Variants in MAPK8IP3 observed in about 807,000 individuals in gnomAD.
MAPK8IP3 encodes the protein C-Jun-amino-terminal kinase-interacting protein 3.
MAPK8IP3 carries 49 observed loss-of-function variants against 157.8 expected under a neutral mutation model. The observed-to-expected ratio is 0.31, with a 90% CI of 0.25 to 0.39. The LOEUF is 0.39. Ranked by LOEUF, MAPK8IP3 falls within the 10% of genes least tolerant of loss-of-function variation. The pLI is 1.00. For missense variants in MAPK8IP3, 1,478 were observed against 1,889.4 expected (o/e 0.78, Z 4.04); for synonymous variants, 897 against 777.7 (o/e 1.15, Z -2.55).
In MAPK8IP3 at chr16:1,769,659, C is replaced by T. The variant is rs1413696127; in HGVS notation, c.*835C>T. The T allele has an allele frequency of 6.6e-6, 1 of 152,586 alleles. No individual in the cohort carries two copies. The highest frequency in any genetic ancestry group is 1.5e-5 in the Non-Finnish European group (1 of 68,212). 9.5% of individuals were successfully genotyped at this position (152,586 alleles called of 1,614,324 possible). On this transcript the variant is annotated 3_prime_UTR_variant, in exon 32 of 32. Transcript: ENST00000610761. ...CTCAGGCTGCCAGGGCAGGCCCAGG[C>T]CTCAGGAAGAAGGGGAGGCCCCTGG...
In MAPK8IP3 at chr16:1,768,522, C is replaced by T. The variant is rs771487823; in HGVS notation, c.3788C>T (p.Ala1263Val). 5.1e-6 allele frequency: 8 copies of T among 1,557,898 alleles called. No individual in the cohort carries two copies. The highest frequency in any genetic ancestry group is 5.2e-6 in the Non-Finnish European group (6 of 1,153,270). Reference protein sequence around the residue: ...TLNGSVLDSPAEGPGPAAPAS... With the variant: ...TLNGSVLDSPVEGPGPAAPAS... ...AATGGGAGTGTGCTGGACAGCCCAGCCGAGGGCCCTGGGCCAGCTGCCCCT... is the reference window on the plus strand; with the variant it reads ...AATGGGAGTGTGCTGGACAGCCCAGTCGAGGGCCCTGGGCCAGCTGCCCCT... Residue 1263 changes from alanine to valine, a missense_variant, in exon 31 of 32, where the codon GCC (alanine) becomes GTC (valine). Coordinates refer to ENST00000610761, the MANE Select transcript of MAPK8IP3 (RefSeq NM_001318852.2).
At chr16:1,764,924 C>T (rs1361580521) in intron 19 of MAPK8IP3, 89 bp from the exon 20 acceptor site, 7 of 1,348,694 alleles carry the variant, frequency 5.2e-6, no homozygotes, top group Non-Finnish European at 7.2e-6. Flanking sequence ...AGGCTGGATC[C>T]TGACAGATTC....
rs1199714709 is a variant in MAPK8IP3, at chr16:1,735,572, AGAGTCC to A, written c.602+5996_602+6001del. Among the ~76,000 whole-genome samples, 92 of 135,170 alleles carry A rather than the reference AGAGTCC, an allele frequency of 6.8e-4. 2 individuals carry two copies. The highest frequency in any genetic ancestry group is 1.8e-3 in the African/African-American group (63 of 34,238). The allele number at this position is 135,170 out of a possible 152,430, so 88.7% of individuals were successfully genotyped here. A position where few individuals can be genotyped will look rare whatever the true frequency, so the allele number is the denominator to read the frequency against. ...GTGTGAGAGTGTGACCGTCCATGTG[AGAGTCC>A]GTGTGACCATCCGTGTGAGCATCCG... On this transcript the variant is annotated intron_variant, in intron 4 of 31. Transcript: ENST00000610761.
At chr16:1,739,807 C>T (rs1215436239) in intron 4 of MAPK8IP3, among the ~76,000 whole-genome samples, 1 of 89,746 alleles carries the variant, frequency 1.1e-5, no homozygotes, top group Non-Finnish European at 2.1e-5. Flanking sequence ...TGTGACCATC[C>T]GTGTGAGCGT....
chr16:1,732,656 C>T (rs1283170029), intron 4 of MAPK8IP3, among the ~76,000 whole-genome samples: 1 of 152,212 alleles, frequency 6.6e-6, no homozygotes, highest in Non-Finnish European at 1.5e-5. Context: ...ATGAGAACTA[C>T]GCCAGGGCGT....
At chr16:1,717,925 C>T (rs1396798193) in intron 1 of MAPK8IP3, among the ~76,000 whole-genome samples, 1 of 151,890 alleles carries the variant, frequency 6.6e-6, no homozygotes, top group Admixed American at 6.6e-5. Flanking sequence ...GATCTCAGCT[C>T]ACTGCAAGCT....
chr16:1,755,630 C>T (rs565948272), intron 8 of MAPK8IP3, among the ~76,000 whole-genome samples: 109 of 152,180 alleles, frequency 7.2e-4, no homozygotes, highest in Non-Finnish European at 1.1e-3. Context: ...GGGCGGATCA[C>T]GAGGTCAAGA....
At chr16:1,736,965 C>CGTGAGT (rs2039964752) in intron 4 of MAPK8IP3, among the ~76,000 whole-genome samples, 1 of 59,554 alleles carries the variant, frequency 1.7e-5, no homozygotes, top group Non-Finnish European at 3.1e-5. Context: ...TGTGACCGTC[C>CGTGAGT]GTGTGACCGT....
rs2040653247 is a variant in MAPK8IP3, at chr16:1,741,167, C to T, written c.603-2165C>T. ...CAGAGCCGGTGACACACCCATGACC[C>T]CCAAGGGCAGCGTGACCCCCGAGGG... On this transcript the variant is annotated intron_variant, in intron 4 of 31. Coordinates refer to ENST00000610761, the MANE Select transcript of MAPK8IP3 (RefSeq NM_001318852.2). This position sits in a 1 kb window ranked among gnomAD's most constrained non-coding sequence, Gnocchi z 6.9. Among the ~76,000 whole-genome samples, 2 of 152,140 alleles carry T rather than the reference C, an allele frequency of 1.3e-5. No homozygotes were observed. The highest frequency in any genetic ancestry group is 2.1e-4 in the South Asian group (1 of 4,812).
chr16:1,764,529 C>T, intron 19 of MAPK8IP3, 70 bp downstream of exon 19: 1 of 1,548,800 alleles, frequency 6.5e-7, no homozygotes, highest in South Asian at 1.2e-5. Flanking sequence ...GCAGAGCATG[C>T]TGGGAGTGAG....
intron 1 of MAPK8IP3, among the ~76,000 whole-genome samples, chr16:1,714,445 C>T (rs950214439): frequency 6.8e-6 from 1 of 146,206 alleles, no homozygotes; most frequent in Non-Finnish European, 1.5e-5. Context: ...CCACGTGAAA[C>T]GCGACAGGGC....
At chr16:1,738,277 A>AGC (rs1340613627) in intron 4 of MAPK8IP3, among the ~76,000 whole-genome samples, 1 of 44,100 alleles carries the variant, frequency 2.3e-5, no homozygotes, top group Admixed American at 3.1e-4. Flanking sequence ...CGTCCGTGTG[A>AGC]GTGTGACCAT....
chr16:1,752,247 AGGCCG>A, intron 8 of MAPK8IP3: 1 of 166,762 alleles, frequency 6.0e-6, no homozygotes, highest in Non-Finnish European at 1.3e-5. Flanking sequence ...ACCACGATGG[AGGCCG>A]AGTCACTGTG....
chr16:1,714,843 G>A (rs574087349), intron 1 of MAPK8IP3, among the ~76,000 whole-genome samples: 59 of 152,124 alleles, frequency 3.9e-4, no homozygotes, highest in Non-Finnish European at 8.2e-4. Flanking sequence ...GGAGTCGGAG[G>A]TTGGGGCTGA....
chr16:1,759,978 A>T lies in MAPK8IP3; in HGVS notation c.1267A>T (p.Asn423Tyr). 3.7e-6 allele frequency: 6 copies of T among 1,614,172 alleles called. No individual in the cohort carries two copies. The highest frequency in any genetic ancestry group is 5.1e-6 in the Non-Finnish European group (6 of 1,180,010). ...DFFGMGKEVGNLLLENSQLLE... is the reference protein window; with the variant it reads ...DFFGMGKEVGYLLLENSQLLE... ...TTCAGGAATGGGCAAAGAAGTGGGGAATCTGCTACTGGAAAACTCACAGCT... is the reference window on the plus strand; with the variant it reads ...TTCAGGAATGGGCAAAGAAGTGGGGTATCTGCTACTGGAAAACTCACAGCT... Residue 423 changes from asparagine (N) to tyrosine (Y), a missense_variant, in exon 11 of 32, where the codon AAT (asparagine) becomes TAT (tyrosine). Asn to Tyr is a moderately radical substitution (Grantham distance 143). Transcript: ENST00000610761.
chr16:1,732,838 C>T (rs953409495), intron 4 of MAPK8IP3, among the ~76,000 whole-genome samples: 2 of 152,162 alleles, frequency 1.3e-5, no homozygotes, highest in Non-Finnish European at 2.9e-5. Flanking sequence ...TGGATGCCAG[C>T]TTGCCCCAAG....
In MAPK8IP3 at chr16:1,766,030, C is replaced by A. The variant is rs770361623; in HGVS notation, c.2517C>A (p.Gly839=). Residue 839 remains glycine (G), a synonymous_variant, in exon 21 of 32, where the codon GGC becomes GGA. Transcript: ENST00000610761. ...LDSDVNPEDP[G]ADGVLAGITL... ...GCGACGTGAACCCAGAGGACCCGGGCGCAGATGGCGTGCTGGCCGGTATCA... is the reference window on the plus strand; with the variant it reads ...GCGACGTGAACCCAGAGGACCCGGGAGCAGATGGCGTGCTGGCCGGTATCA... 2 of 1,612,716 alleles carry A rather than the reference C, an allele frequency of 1.2e-6. No individual in the cohort carries two copies. Among genetic ancestry groups the A allele is most frequent in the Non-Finnish European group, 1.7e-6 (2 of 1,179,960 alleles).
chr16:1,763,852 C>T, intron 17 of MAPK8IP3, 69 bp downstream of exon 17: 2 of 211,084 alleles, frequency 9.5e-6, no homozygotes, highest in Non-Finnish European at 1.6e-5. Flanking sequence ...GGGCGGGGCG[C>T]TGTGGGGCGG....
intron 1 of MAPK8IP3, among the ~76,000 whole-genome samples, chr16:1,721,831 G>A (rs1315520660): frequency 1.3e-5 from 2 of 152,076 alleles, no homozygotes; most frequent in Admixed American, 6.6e-5. Flanking sequence ...GTGCAGTGGC[G>A]TGATCTCAGC....
Sources: gnomAD v4.1 joint callset for allele counts (sites outside exome capture counted in the v4.1 genomes callset) on GRCh38, gnomAD v4.1.1 for gene constraint, Gnocchi (gnomAD v3.1) non-coding constraint, MANE v1.5 for transcripts, NCBI Gene and HGNC (gene_info 2026-07-23, HGNC 2026-07-21) for gene names.